GSE1: variants seen among roughly 807,000 people sequenced by gnomAD.
The protein encoded by GSE1 is Gse1 coiled-coil protein.
GSE1 carries 32 observed loss-of-function variants against 112.6 expected under a neutral mutation model. The ratio of observed to expected loss-of-function variants is 0.28; its 90% CI spans 0.21 to 0.38. The LOEUF (loss-of-function observed/expected upper bound fraction) is 0.38. Ranked by LOEUF, GSE1 falls within the 10% of genes least tolerant of loss-of-function variation. GSE1 has a pLI of 1.00. For missense variants in GSE1, 2,348 were observed against 1,699.2 expected (o/e 1.38, Z -6.71); for synonymous variants, 1,115 against 735.6 (o/e 1.52, Z -8.35).
chr16:85,284,298 CAG>C (rs2151428096), intron 1 of GSE1, among the ~76,000 whole-genome samples: 1 of 152,322 alleles, frequency 6.6e-6, no homozygotes, highest in South Asian at 2.1e-4. Flanking sequence ...AAGGATCAGA[CAG>C]GGAGAAGGCG....
At chr16:85,417,038 TG>T (rs1392175331) in intron 2 of GSE1, among the ~76,000 whole-genome samples, 1 of 152,190 alleles carries the variant, frequency 6.6e-6, no homozygotes, top group African/African-American at 2.4e-5. Flanking sequence ...TGTATTTTTT[TG>T]TAGAGCAGGT....
At chr16:85,651,530 C>A (rs1379629369) in intron 3 of GSE1, among the ~76,000 whole-genome samples, 1 of 152,176 alleles carries the variant, frequency 6.6e-6, no homozygotes, top group Non-Finnish European at 1.5e-5. Context: ...GGGCTGGGGA[C>A]AGGCCCCTCC....
At chr16:85,471,900 C>T (rs141558863) in intron 2 of GSE1, among the ~76,000 whole-genome samples, 4 of 152,212 alleles carry the variant, frequency 2.6e-5, no homozygotes, top group African/African-American at 7.2e-5. Context: ...TAAGTGCCCA[C>T]TTGTGGCTGG....
intron 9 of GSE1, chr16:85,662,293 G>C (rs1308403011): frequency 6.4e-6 from 1 of 155,278 alleles, no homozygotes; most frequent in African/African-American, 2.4e-5. Context: ...GAGTTCTCCA[G>C]AGAGCCAGGA....
At chr16:85,647,151 C>T (rs1036885042) in intron 2 of GSE1, among the ~76,000 whole-genome samples, 2 of 152,218 alleles carry the variant, frequency 1.3e-5, no homozygotes, top group African/African-American at 4.8e-5. Context: ...GCCGCACCTG[C>T]AGATGGGCCG....
chr16:85,671,300 C>T (rs1361130781), intron 15 of GSE1, among the ~76,000 whole-genome samples: 1 of 151,620 alleles, frequency 6.6e-6, no homozygotes, highest in Non-Finnish European at 1.5e-5. Flanking sequence ...ATTAGCCGGG[C>T]GTAGTGGCGG....
At chr16:85,248,199 A>G (rs1042187218) in intron 1 of GSE1, among the ~76,000 whole-genome samples, 1 of 151,804 alleles carries the variant, frequency 6.6e-6, no homozygotes, top group African/African-American at 2.4e-5. Context: ...AGATCCCTGT[A>G]CCCCTCAGAG....
chr16:85,529,580 C>G (rs753213328), intron 2 of GSE1, among the ~76,000 whole-genome samples: 20 of 152,284 alleles, frequency 1.3e-4, no homozygotes, highest in Non-Finnish European at 1.9e-4. Flanking sequence ...AGGCACCCTC[C>G]TATTTGCTCT....
intron 1 of GSE1, among the ~76,000 whole-genome samples, chr16:85,343,222 G>A (rs2046661613): frequency 6.6e-6 from 1 of 152,210 alleles, no homozygotes; most frequent in Non-Finnish European, 1.5e-5. Flanking sequence ...CATCTCCAGA[G>A]GACCGCGCTG....
rs529957191 is a variant in GSE1, at chr16:85,474,565, C to T, written c.2464+116922C>T. ...GATGACCTGACCCAGCCTTGGGGAA[C>T]GTGCTTGCCTGGGCTGTGTCCCCAT... On this transcript the variant is annotated intron_variant, in intron 2 of 2. Transcript: ENST00000637419. Among the ~76,000 whole-genome samples the T allele has an allele frequency of 2.0e-4, 30 of 152,262 alleles. No homozygotes were observed. The South Asian group carries it at 3.9e-3, about 20-fold the overall frequency.
intron 2 of GSE1, among the ~76,000 whole-genome samples, chr16:85,531,996 G>C (rs1042857360): frequency 6.6e-6 from 1 of 152,150 alleles, no homozygotes; most frequent in African/African-American, 2.4e-5. Context: ...GGCAGGACCC[G>C]GGTGTCTAGG....
At chr16:85,629,567 C>T (rs2049371872) in intron 1 of GSE1, among the ~76,000 whole-genome samples, 1 of 152,214 alleles carries the variant, frequency 6.6e-6, no homozygotes, top group African/African-American at 2.4e-5. Flanking sequence ...GTGCTGAGGT[C>T]ATCTCAGCCC....
chr16:85,628,062 G>C (rs796333724), intron 1 of GSE1, among the ~76,000 whole-genome samples: 2 of 152,208 alleles, frequency 1.3e-5, no homozygotes, highest in South Asian at 4.1e-4. Context: ...CCTGGAGGCT[G>C]TGTCCATTCA....
chr16:85,464,567 T>C (rs957233782), intron 2 of GSE1, among the ~76,000 whole-genome samples: 2 of 151,908 alleles, frequency 1.3e-5, no homozygotes, highest in Non-Finnish European at 2.9e-5. Context: ...TGTCTGGGAG[T>C]CTCTGTTTCC....
At chr16:85,448,820 C>A (rs2049585465) in intron 2 of GSE1, among the ~76,000 whole-genome samples, 1 of 152,196 alleles carries the variant, frequency 6.6e-6, no homozygotes, top group South Asian at 2.1e-4. Context: ...ACAGGTGAGC[C>A]CTTCCCGAGC....
At chr16:85,209,613 G>T (rs1482060920) in intron 1 of GSE1, among the ~76,000 whole-genome samples, 1 of 152,226 alleles carries the variant, frequency 6.6e-6, no homozygotes, top group Admixed American at 6.5e-5. Context: ...CCCGCGGCCA[G>T]CCCAAGGGTC....
intron 1 of GSE1, among the ~76,000 whole-genome samples, chr16:85,287,718 G>A (rs576084816): frequency 4.0e-4 from 61 of 152,040 alleles, no homozygotes; most frequent in South Asian, 4.2e-4. Flanking sequence ...CACACCCCCC[G>A]ATGCCATTTT....
intron 1 of GSE1, among the ~76,000 whole-genome samples, chr16:85,349,715 C>G (rs1303039050): frequency 6.6e-6 from 1 of 152,164 alleles, no homozygotes; most frequent in Non-Finnish European, 1.5e-5. Flanking sequence ...ACGCCGTGTT[C>G]TTTTGTGTTG....
chr16:85,259,314 T>C (rs890634683), intron 1 of GSE1, among the ~76,000 whole-genome samples: 3 of 151,810 alleles, frequency 2.0e-5, no homozygotes, highest in African/African-American at 7.3e-5. Flanking sequence ...TGGCCCACCC[T>C]GTGCTCCACC....
Sources: gnomAD v4.1 joint callset for allele counts (sites outside exome capture counted in the v4.1 genomes callset) on GRCh38, gnomAD v4.1.1 for gene constraint, MANE v1.5 for transcripts, NCBI Gene and HGNC (gene_info 2026-07-23, HGNC 2026-07-21) for gene names.